Variants in PKNOX2 observed in about 807,000 individuals in gnomAD.
PKNOX2 encodes the protein homeobox protein PKNOX2.
Under a neutral mutation model 53.1 loss-of-function variants are expected in PKNOX2, and 14 were observed. That is an observed-to-expected ratio of 0.26 (90% CI 0.17 to 0.41). PKNOX2 has a LOEUF of 0.41. Among genes scored for constraint, PKNOX2 ranks in the 10% least tolerant of loss-of-function variants. The pLI, the probability that PKNOX2 is intolerant of heterozygous loss-of-function variation, is 1.00. For synonymous variants in PKNOX2, 257 were observed against 242.8 expected (o/e 1.06, Z -0.54); for missense variants, 496 against 602.8 (o/e 0.82, Z 1.85).
At chr11:125,423,063 T>C (rs77693799) in intron 10 of PKNOX2, among the ~76,000 whole-genome samples, 15 of 146,098 alleles carry the variant, frequency 1.0e-4, no homozygotes, top group African/African-American at 2.2e-4. Context: ...CACACACACA[T>C]ATGTATACAC....
At chr11:125,377,092 C>T (rs964713544) in intron 5 of PKNOX2, among the ~76,000 whole-genome samples, 2 of 152,140 alleles carry the variant, frequency 1.3e-5, no homozygotes, top group Non-Finnish European at 2.9e-5. Context: ...TTAAAAAGTG[C>T]CCACGCACCG....
chr11:125,331,240 C>CACAGGTT (rs1950124510), intron 2 of PKNOX2, among the ~76,000 whole-genome samples: 1 of 152,178 alleles, frequency 6.6e-6, no homozygotes, highest in Non-Finnish European at 1.5e-5. Context: ...CAGCCAAAGC[C>CACAGGTT]AGCTTGAGGC....
rs750931617 is a variant in PKNOX2, at chr11:125,410,273, G to A, written c.666G>A (p.Ala222=). The A allele has an allele frequency of 4.3e-6, 7 of 1,614,074 alleles. No homozygotes were observed. The highest frequency in any genetic ancestry group is 5.9e-6 in the Non-Finnish European group (7 of 1,180,000). ...AGGGGATTGTGGTCCCAGCCTCAGC[G>A]CTCCAGCAGGGCAACATCGCCATGA... The part of the protein sequence containing the change: ...NPQGIVVPAS[A]LQQGNIAMTT... The change falls in exon 8 of 13, where the codon GCG becomes GCA. Residue 222 remains alanine (A), a synonymous_variant. Transcript: ENST00000298282.
chr11:125,361,666 C>T lies in PKNOX2; in HGVS notation c.88-6180C>T, dbSNP rs548232976. Among the ~76,000 whole-genome samples, 13 of 152,274 alleles carry T rather than the reference C, an allele frequency of 8.5e-5. No homozygotes were observed. In the South Asian group the frequency reaches 2.7e-3, roughly 32 times the overall value. On this transcript the variant is annotated intron_variant, in intron 4 of 12. Coordinates refer to ENST00000298282, the MANE Select transcript of PKNOX2 (RefSeq NM_001382323.2). ...CATGTTGGTGTGCTGCACCCATTAACTCATCATTTACATTACGTATATCTC... is the reference window on the plus strand; with the variant it reads ...CATGTTGGTGTGCTGCACCCATTAATTCATCATTTACATTACGTATATCTC...
chr11:125,418,472 C>T (rs1450028789), intron 10 of PKNOX2, among the ~76,000 whole-genome samples: 3 of 152,040 alleles, frequency 2.0e-5, no homozygotes, highest in Non-Finnish European at 2.9e-5. Flanking sequence ...AGCTATCCTT[C>T]CCCCAGCCTG....
chr11:125,425,538 GAT>G (rs1184649458), intron 10 of PKNOX2, among the ~76,000 whole-genome samples: 1 of 136,280 alleles, frequency 7.3e-6, no homozygotes, highest in Non-Finnish European at 1.6e-5. Context: ...ACTGTGCCTT[GAT>G]GGTTTGCCGT....
chr11:125,317,847 G>T (rs1949294974), intron 2 of PKNOX2, among the ~76,000 whole-genome samples: 1 of 152,164 alleles, frequency 6.6e-6, no homozygotes, highest in Non-Finnish European at 1.5e-5. Flanking sequence ...TTGTGGATTT[G>T]AAGCCAGACA....
chr11:125,262,205 A>G (rs1351848037), intron 2 of PKNOX2, among the ~76,000 whole-genome samples: 1 of 152,142 alleles, frequency 6.6e-6, no homozygotes, highest in Non-Finnish European at 1.5e-5. Flanking sequence ...ACAGTGAGAC[A>G]GTGGAGGCGG....
At chr11:125,229,306 C>A (rs1420876561) in intron 1 of PKNOX2, among the ~76,000 whole-genome samples, 1 of 152,196 alleles carries the variant, frequency 6.6e-6, no homozygotes, top group East Asian at 1.9e-4. Context: ...CTCTATGGGG[C>A]AAACAGGAGG....
intron 2 of PKNOX2, among the ~76,000 whole-genome samples, chr11:125,275,621 T>A (rs1054343144): frequency 5.9e-5 from 9 of 152,154 alleles, no homozygotes; most frequent in African/African-American, 2.2e-4. Flanking sequence ...TGTTGAGGAC[T>A]TCTTGATGGA....
chr11:125,423,371 G>C (rs991623290), intron 10 of PKNOX2, among the ~76,000 whole-genome samples: 6 of 151,994 alleles, frequency 3.9e-5, no homozygotes, highest in African/African-American at 1.2e-4. Flanking sequence ...CATCCTCCCT[G>C]AATATACGTT....
At chr11:125,288,799 A>AT (rs1382325122) in intron 2 of PKNOX2, among the ~76,000 whole-genome samples, 57 of 152,316 alleles carry the variant, frequency 3.7e-4, no homozygotes, top group African/African-American at 1.3e-3. Flanking sequence ...ATGCCTTAGC[A>AT]TGCCCCCACT....
At chr11:125,401,578 CT>C (rs1350059995) in intron 7 of PKNOX2, among the ~76,000 whole-genome samples, 4 of 152,182 alleles carry the variant, frequency 2.6e-5, no homozygotes, top group Non-Finnish European at 5.9e-5. Context: ...ACTCACACGT[CT>C]CTTAAGCCTT....
intron 6 of PKNOX2, among the ~76,000 whole-genome samples, chr11:125,396,739 C>T (rs941226601): frequency 6.6e-6 from 1 of 152,150 alleles, no homozygotes; most frequent in African/African-American, 2.4e-5. Flanking sequence ...TATGTTTACT[C>T]AATAACTTTC....
At chr11:125,249,957 C>T (rs11219987) in intron 2 of PKNOX2, among the ~76,000 whole-genome samples, 35,648 of 148,478 alleles carry the variant, frequency 0.24, 5,348 homozygotes, top group Non-Finnish European at 0.33. Context: ...CCCAGCTACT[C>T]GGGAGGCTGA....
chr11:125,246,205 G>A (rs996624644), intron 2 of PKNOX2, among the ~76,000 whole-genome samples: 1 of 152,204 alleles, frequency 6.6e-6, no homozygotes, highest in Non-Finnish European at 1.5e-5. Flanking sequence ...CCAGGATTAA[G>A]GTGCTGGCAT....
chr11:125,304,054 G>A (rs749593052), intron 2 of PKNOX2, among the ~76,000 whole-genome samples: 3 of 152,148 alleles, frequency 2.0e-5, no homozygotes, highest in Non-Finnish European at 2.9e-5. Context: ...TGTCACAAGG[G>A]ACGTGGTTGG....
At chr11:125,351,136 C>T in intron 3 of PKNOX2, 148 bp from the exon 4 acceptor site, 1 of 669,490 alleles carries the variant, frequency 1.5e-6, no homozygotes, top group East Asian at 2.7e-5. Context: ...TCTTCCTTAG[C>T]TCTCATTTGT....
intron 3 of PKNOX2, among the ~76,000 whole-genome samples, chr11:125,335,438 A>G (rs1035456898): frequency 1.3e-5 from 2 of 152,094 alleles, no homozygotes; most frequent in Admixed American, 6.5e-5. Context: ...GGAGGACTAG[A>G]GGCTCTCCGA....
Sources: gnomAD v4.1 joint callset for allele counts (sites outside exome capture counted in the v4.1 genomes callset) on GRCh38, gnomAD v4.1.1 for gene constraint, MANE v1.5 for transcripts, NCBI Gene and HGNC (gene_info 2026-07-23, HGNC 2026-07-21) for gene names.